Variants in GATA3 observed in about 807,000 individuals in gnomAD.
GATA3 encodes the protein GATA binding protein 3.
A neutral mutation model predicts 36.0 loss-of-function variants in GATA3; 6 were observed. That is an observed-to-expected ratio of 0.17 (90% CI 0.09 to 0.33). The LOEUF (loss-of-function observed/expected upper bound fraction) is 0.33, where lower values mean the gene tolerates loss of function less well. Among genes scored for constraint, GATA3 ranks in the 10% least tolerant of loss-of-function variants. The probability of loss-of-function intolerance (pLI) is 1.00; values close to 1 mark genes in which losing one functional copy is unlikely to be tolerated. For missense variants in GATA3, 514 were observed against 610.1 expected, an observed-to-expected ratio of 0.84 and a Z score of 1.66; for synonymous variants, 326 against 273.0, an observed-to-expected ratio of 1.19 and a Z score of -1.92.
chr10:8,055,482 T>A lies in GATA3; in HGVS notation c.-174T>A. 1 of 715,318 alleles carries A rather than the reference T, an allele frequency of 1.4e-6. No individual in the cohort carries two copies. Among genetic ancestry groups the A allele is most frequent in the Admixed American group, 2.9e-5 (1 of 34,748 alleles). The allele number at this position is 715,318 out of a possible 1,614,324, so 44.3% of individuals were successfully genotyped here. On this transcript the variant is annotated 5_prime_UTR_variant, in exon 2 of 6. Coordinates refer to ENST00000379328, the MANE Select transcript of GATA3 (RefSeq NM_001002295.2). The surrounding 1 kb of genome is among the most constrained non-coding windows in gnomAD (Gnocchi z 5.4). ...CCTCCAAGATAATTTTTAAAAAACCTTCTCCTTTGCTCACCTTTGCTTCCC... is the reference window on the plus strand; with the variant it reads ...CCTCCAAGATAATTTTTAAAAAACCATCTCCTTTGCTCACCTTTGCTTCCC...
chr10:8,068,076 A>G (rs1248029900), intron 4 of GATA3, among the ~76,000 whole-genome samples: 1 of 152,174 alleles, frequency 6.6e-6, no homozygotes, highest in Non-Finnish European at 1.5e-5. Context: ...GAAGTGACCC[A>G]ACTCCATTTT....
chr10:8,047,200 C>T (rs1049122418), intron 1 of GATA3, among the ~76,000 whole-genome samples: 4 of 152,188 alleles, frequency 2.6e-5, no homozygotes, highest in Non-Finnish European at 5.9e-5. Flanking sequence ...CCCTGGGTCA[C>T]ACAGAGTGCC....
At chr10:8,069,192 G>A (rs1832891253) in intron 4 of GATA3, among the ~76,000 whole-genome samples, 1 of 152,146 alleles carries the variant, frequency 6.6e-6, no homozygotes, top group South Asian at 2.1e-4. Flanking sequence ...GGCTAAGACT[G>A]CCAGGGAGGA....
chr10:8,064,198 C>G (rs1832795260), intron 4 of GATA3, 60 bp downstream of exon 4: 1 of 1,604,514 alleles, frequency 6.2e-7, no homozygotes, highest in South Asian at 1.1e-5. Flanking sequence ...CATTTCCTCT[C>G]TTCCGGAAGG....
intron 3 of GATA3, among the ~76,000 whole-genome samples, chr10:8,063,091 TTGTG>T (rs1293344152): frequency 6.6e-6 from 1 of 152,174 alleles, no homozygotes; most frequent in Non-Finnish European, 1.5e-5. Context: ...TTTTGTTTGT[TTGTG>T]TTTTTGGGAA....
At chr10:8,061,381 G>T (rs547758494) in intron 3 of GATA3, among the ~76,000 whole-genome samples, 1 of 152,266 alleles carries the variant, frequency 6.6e-6, no homozygotes, top group East Asian at 1.9e-4. Flanking sequence ...CCACAGCCTG[G>T]TTTAAGGGTT....
chr10:8,051,789 C>T (rs916583919), upstream of GATA3, among the ~76,000 whole-genome samples: 2 of 151,250 alleles, frequency 1.3e-5, no homozygotes, highest in Non-Finnish European at 3.0e-5. Context: ...GAGGAGGAAG[C>T]CCGGCCTGCT....
intron 3 of GATA3, among the ~76,000 whole-genome samples, chr10:8,060,938 TG>T (rs1273625780): frequency 6.6e-6 from 1 of 152,128 alleles, no homozygotes; most frequent in Non-Finnish European, 1.5e-5. Context: ...ACAGCACACC[TG>T]GCAGGGGCGG....
intron 1 of GATA3, among the ~76,000 whole-genome samples, chr10:8,048,584 C>A (rs1261339027): frequency 6.6e-6 from 1 of 152,154 alleles, no homozygotes; most frequent in Non-Finnish European, 1.5e-5. Context: ...TGCCTCCACC[C>A]CTTCTTTTCC....
intron 4 of GATA3, among the ~76,000 whole-genome samples, 167 bp downstream of exon 4, chr10:8,064,305 CTTCTTCTTT>C (rs1832798651): frequency 2.3e-5 from 2 of 87,972 alleles, no homozygotes; most frequent in African/African-American, 8.4e-5. Flanking sequence ...TTCTTTTCTT[CTTCTTCTTT>C]TTTTTTTTTT....
At chr10:8,066,306 A>G (rs996794734) in intron 4 of GATA3, among the ~76,000 whole-genome samples, 2 of 152,182 alleles carry the variant, frequency 1.3e-5, no homozygotes, top group African/African-American at 2.4e-5. Flanking sequence ...TTAGAGTTCA[A>G]TGACTGTCAC....
chr10:8,069,351 A>G (rs1440720354), intron 4 of GATA3, 122 bp from the exon 5 acceptor site: 1 of 1,007,614 alleles, frequency 9.9e-7, no homozygotes, highest in Admixed American at 2.0e-5. Context: ...ACCACTTGCT[A>G]GTTTTGATTT....
chr10:8,073,106 C>T (rs181142209), intron 5 of GATA3, among the ~76,000 whole-genome samples: 2 of 134,612 alleles, frequency 1.5e-5, no homozygotes, highest in East Asian at 4.5e-4. Flanking sequence ...GATCGCGCCA[C>T]TGCACTCCAG....
In GATA3 at chr10:8,054,801, G is replaced by C. The variant is rs1028084961; in HGVS notation, c.-460G>C. 6.6e-6 allele frequency: 1 copy of C among 151,288 alleles called. No individual in the cohort carries two copies. The highest frequency in any genetic ancestry group is 2.1e-4 in the South Asian group (1 of 4,786). 9.4% of individuals were successfully genotyped at this position (151,288 alleles called of 1,614,324 possible). A position where few individuals can be genotyped will look rare whatever the true frequency, so the allele number is the denominator to read the frequency against. On this transcript the variant is annotated 5_prime_UTR_variant, in exon 1 of 6. Transcript: ENST00000379328. The surrounding 1 kb of genome is among the most constrained non-coding windows in gnomAD (Gnocchi z 4.2). ...GAGAGAGAGAAGAAGAGAGAGAGAC[G>C]GAGGGAGAGCGAGACAGAGCGAGCA...
intron 2 of GATA3, among the ~76,000 whole-genome samples, chr10:8,057,519 G>T (rs1354990087): frequency 6.6e-6 from 1 of 152,116 alleles, no homozygotes; most frequent in African/African-American, 2.4e-5. Context: ...GGGTGCATGG[G>T]GCTTACGTTA....
At chr10:8,061,544 G>C (rs1832749272) in intron 3 of GATA3, among the ~76,000 whole-genome samples, 1 of 152,194 alleles carries the variant, frequency 6.6e-6, no homozygotes, top group African/African-American at 2.4e-5. Context: ...GAAGGCAGGA[G>C]AGAGTCAGGG....
chr10:8,052,390 G>C (rs986731577), upstream of GATA3: 1 of 152,228 alleles, frequency 6.6e-6, no homozygotes, highest in Non-Finnish European at 1.5e-5. Flanking sequence ...GCACCGGAAG[G>C]CCTCCTCACC....
Position 8,058,702 on chromosome 10 carries a change from G to T in GATA3, c.639G>T (p.Ser213=), listed in dbSNP as rs145459484. ...TGACCGCCCTGGGTGGAGCCTCCTC[G>T]TCGACCCACCACCCCATCACCACCT... is the stretch of plus-strand genomic sequence containing the variant. ...GSMTALGGAS[S]STHHPITTYP... Residue 213 remains serine, a synonymous_variant, in exon 3 of 6, where the codon TCG becomes TCT. Transcript: ENST00000379328. 4 of 1,612,844 alleles carry T rather than the reference G, an allele frequency of 2.5e-6. No individual in the cohort carries two copies. The South Asian group carries it at 3.3e-5, about 13-fold the overall frequency.
intron 4 of GATA3, among the ~76,000 whole-genome samples, chr10:8,066,229 G>A (rs1341648959): frequency 1.3e-5 from 2 of 152,054 alleles, no homozygotes; most frequent in Non-Finnish European, 2.9e-5. Context: ...TCCATTTTAT[G>A]CAATTTTATC....
Sources: gnomAD v4.1 joint callset for allele counts (sites outside exome capture counted in the v4.1 genomes callset) on GRCh38, gnomAD v4.1.1 for gene constraint, Gnocchi (gnomAD v3.1) non-coding constraint, MANE v1.5 for transcripts, NCBI Gene and HGNC (gene_info 2026-07-23, HGNC 2026-07-21) for gene names.